MYLIP: variants seen among roughly 807,000 people sequenced by gnomAD.
The protein encoded by MYLIP is E3 ubiquitin-protein ligase MYLIP.
Under a neutral mutation model 45.8 loss-of-function variants are expected in MYLIP, and 26 were observed. The observed-to-expected ratio is 0.57, with a 90% CI of 0.42 to 0.79. The LOEUF is 0.79. Among genes scored for constraint, MYLIP ranks in the 30% least tolerant of loss-of-function variants. The pLI is 0.00. For synonymous variants in MYLIP, 213 were observed against 218.1 expected, an observed-to-expected ratio of 0.98 and a Z score of 0.21; for missense variants, 494 against 555.6, an observed-to-expected ratio of 0.89 and a Z score of 1.11.
the MYLIP span, among the ~76,000 whole-genome samples, chr6:16,162,772 G>A: frequency 1.7e-5 from 1 of 58,984 alleles, no homozygotes; most frequent in Non-Finnish European, 2.6e-5. Context: ...GTAACACAGT[G>A]TGACCTCAAC....
downstream of MYLIP, among the ~76,000 whole-genome samples, chr6:16,149,466 G>T (rs570661196): frequency 6.6e-6 from 1 of 152,364 alleles, no homozygotes; most frequent in South Asian, 2.1e-4. Flanking sequence ...TGACATTCTA[G>T]TTGGAAAAAG....
intron 5 of MYLIP, among the ~76,000 whole-genome samples, chr6:16,144,460 G>A (rs1000271536): frequency 3.3e-5 from 5 of 152,182 alleles, no homozygotes; most frequent in Non-Finnish European, 7.3e-5. Flanking sequence ...TTGGACTCAC[G>A]TATTTGGACA....
chr6:16,146,912 G>A lies in MYLIP; in HGVS notation c.*161G>A, dbSNP rs2113574804. 1 of 591,916 alleles carries A rather than the reference G, an allele frequency of 1.7e-6. No individual in the cohort carries two copies. Among genetic ancestry groups the A allele is most frequent in the Non-Finnish European group, 2.9e-6 (1 of 343,764 alleles). The allele number at this position is 591,916 out of a possible 1,614,324, so 36.7% of individuals were successfully genotyped here. ...AAAAATAACACAGCTACTCCTCACT[G>A]CAAAAACATATCCATGCGTAGAATC... On this transcript the variant is annotated 3_prime_UTR_variant, in exon 7 of 7. Transcript: ENST00000356840.
Position 16,129,293 on chromosome 6 carries a change from G to T in MYLIP, c.-30G>T. On this transcript the variant is annotated 5_prime_UTR_variant, in exon 1 of 7. Transcript: ENST00000356840. This position sits in a 1 kb window ranked among gnomAD's most constrained non-coding sequence, Gnocchi z 5.1. ...CAGCCCCGCGCACACCAAAGAGAAGGCGGCTGTGGCGGCAGCGGCAGCCCC... is the reference window on the plus strand; with the variant it reads ...CAGCCCCGCGCACACCAAAGAGAAGTCGGCTGTGGCGGCAGCGGCAGCCCC... 1 of 1,549,502 alleles carries T rather than the reference G, an allele frequency of 6.5e-7. No homozygotes were observed. The highest frequency in any genetic ancestry group is 1.4e-5 in the African/African-American group (1 of 73,110).
intron 2 of MYLIP, among the ~76,000 whole-genome samples, chr6:16,131,285 T>C (rs1363639874): frequency 6.6e-6 from 1 of 152,242 alleles, no homozygotes; most frequent in African/African-American, 2.4e-5. Flanking sequence ...TTAAGTTTCT[T>C]GAAAATGTAA....
chr6:16,158,071 C>T, the MYLIP span, among the ~76,000 whole-genome samples: 2 of 152,184 alleles, frequency 1.3e-5, no homozygotes, highest in Non-Finnish European at 2.9e-5. Context: ...GACATGTGCT[C>T]TGGAGGAAGC....
chr6:16,159,404 A>C, the MYLIP span, among the ~76,000 whole-genome samples: 3 of 152,178 alleles, frequency 2.0e-5, no homozygotes, highest in African/African-American at 7.2e-5. Flanking sequence ...GGGCCCTTTC[A>C]TGGGACTCTA....
At chr6:16,158,474 G>C in the MYLIP span, among the ~76,000 whole-genome samples, 2 of 152,084 alleles carry the variant, frequency 1.3e-5, no homozygotes, top group African/African-American at 4.8e-5. Flanking sequence ...AATTACCATC[G>C]ATACCAACAG....
chr6:16,158,825 G>T, the MYLIP span, among the ~76,000 whole-genome samples: 1 of 152,108 alleles, frequency 6.6e-6, no homozygotes, highest in Non-Finnish European at 1.5e-5. Flanking sequence ...AGCCGAGATC[G>T]CGCCACTGCA....
chr6:16,142,920 T>G (rs1759702962), intron 3 of MYLIP, 100 bp from the exon 4 acceptor site: 7 of 1,180,314 alleles, frequency 5.9e-6, no homozygotes, highest in Non-Finnish European at 8.5e-6. Context: ...GTTGTTGTGA[T>G]TCATCAGTGT....
rs1437696773 is a variant in MYLIP, at chr6:16,129,218, G to A, written c.-105G>A. The A allele has an allele frequency of 5.6e-6, 7 of 1,247,258 alleles. No individual in the cohort carries two copies. The highest frequency in any genetic ancestry group is 7.9e-6 in the Non-Finnish European group (7 of 889,944). The allele number at this position is 1,247,258 out of a possible 1,614,324, so 77.3% of individuals were successfully genotyped here. A position where few individuals can be genotyped will look rare whatever the true frequency, so the allele number is the denominator to read the frequency against. Reference sequence around the variant, plus strand: ...GGGTCCGCAGAGCTGCAGCCTTCGAGGGCCAGCCCTCTCCGAGTCCGGGGC... The same window carrying A: ...GGGTCCGCAGAGCTGCAGCCTTCGAAGGCCAGCCCTCTCCGAGTCCGGGGC... On this transcript the variant is annotated 5_prime_UTR_variant, in exon 1 of 7. Coordinates refer to ENST00000356840, the MANE Select transcript of MYLIP (RefSeq NM_013262.4). This position sits in a 1 kb window ranked among gnomAD's most constrained non-coding sequence, Gnocchi z 5.1.
chr6:16,142,701 T>C (rs1759698326), intron 3 of MYLIP, among the ~76,000 whole-genome samples: 1 of 152,262 alleles, frequency 6.6e-6, no homozygotes, highest in Admixed American at 6.5e-5. Context: ...TTATAAACTA[T>C]ATGTGGACAA....
At chr6:16,159,827 G>A in the MYLIP span, among the ~76,000 whole-genome samples, 1 of 152,176 alleles carries the variant, frequency 6.6e-6, no homozygotes, top group Non-Finnish European at 1.5e-5. Context: ...GAGCCCAGGG[G>A]ATCGAAAGAA....
chr6:16,140,311 G>T (rs545486894), intron 2 of MYLIP, among the ~76,000 whole-genome samples: 2 of 152,162 alleles, frequency 1.3e-5, no homozygotes, highest in South Asian at 4.2e-4. Context: ...GTTTTGGGCA[G>T]TGTGACCAGT....
chr6:16,144,224 G>A (rs2113562667), intron 5 of MYLIP, among the ~76,000 whole-genome samples: 3 of 152,212 alleles, frequency 2.0e-5, no homozygotes, highest in Admixed American at 2.0e-4. Context: ...GAACTGGGAG[G>A]ATAATTATTT....
At chr6:16,163,022 A>C in the MYLIP span, among the ~76,000 whole-genome samples, 11 of 152,002 alleles carry the variant, frequency 7.2e-5, no homozygotes, top group African/African-American at 2.2e-4. Context: ...TGTGAAGATG[A>C]GGGGTGCTAG....
chr6:16,139,636 C>T (rs879180548), intron 2 of MYLIP, among the ~76,000 whole-genome samples: 2 of 152,176 alleles, frequency 1.3e-5, no homozygotes, highest in African/African-American at 4.8e-5. Flanking sequence ...TAGTAAACCA[C>T]GGCTTGCTGA....
chr6:16,135,869 A>G (rs1008196262), intron 2 of MYLIP, among the ~76,000 whole-genome samples: 2 of 148,650 alleles, frequency 1.3e-5, no homozygotes, highest in Non-Finnish European at 3.0e-5. Context: ...TAGTATGTAT[A>G]CTAAGTATAT....
At chr6:16,148,562 A>C (rs1759841510), downstream of MYLIP, among the ~76,000 whole-genome samples, 1 of 151,702 alleles carries the variant, frequency 6.6e-6, no homozygotes, top group Non-Finnish European at 1.5e-5. Context: ...TATGTAGGGG[A>C]AAATGGGGTC....
Sources: allele counts gnomAD v4.1 joint callset (sites outside exome capture counted in the v4.1 genomes callset), GRCh38; gene constraint gnomAD v4.1.1; non-coding constraint Gnocchi (gnomAD v3.1); transcripts MANE v1.5; gene names NCBI Gene and HGNC (gene_info 2026-07-23, HGNC 2026-07-21).